The following LPP variants were observed in gnomAD, a reference collection of about 807,000 sequenced individuals.
LPP encodes lipoma-preferred partner.
LPP carries 38 observed loss-of-function variants against 60.4 expected under a neutral mutation model. The observed-to-expected ratio is 0.63, with a 90% CI of 0.49 to 0.83. The LOEUF is 0.83. Ranked by LOEUF, LPP falls within the 40% of genes least tolerant of loss-of-function variation. The probability of loss-of-function intolerance (pLI) is 0.00; values close to 1 mark genes in which losing one functional copy is unlikely to be tolerated. For missense variants in LPP, 902 were observed against 783.6 expected (o/e 1.15, Z -1.80); for synonymous variants, 328 against 290.8 (o/e 1.13, Z -1.30).
intron 5 of LPP, among the ~76,000 whole-genome samples, chr3:188,522,534 C>T (rs182613673): frequency 6.6e-6 from 1 of 151,978 alleles, no homozygotes; most frequent in Non-Finnish European, 1.5e-5. Context: ...TTACTGAACA[C>T]TTATTTGGGC....
At chr3:188,214,832 A>G (rs1207429408) in intron 1 of LPP, among the ~76,000 whole-genome samples, 1 of 152,088 alleles carries the variant, frequency 6.6e-6, no homozygotes, top group South Asian at 2.1e-4. Context: ...GAATACTAAT[A>G]CTCTGAATAA....
intron 1 of LPP, among the ~76,000 whole-genome samples, chr3:188,196,627 C>T (rs1054785231): frequency 6.6e-6 from 1 of 152,102 alleles, no homozygotes; most frequent in Admixed American, 6.6e-5. Context: ...AGTGATATTC[C>T]AAAAATGCAA....
At position 188,636,760 on chromosome 3, in the gene LPP, G is replaced by A. The variant is rs186542325; in HGVS notation, c.1113+26916G>A. On this transcript the variant is annotated intron_variant, in intron 7 of 11. Transcript: ENST00000617246. ...AGTGGGTCCCTGACCCCTGACCCCCGAGCAGCCTAACTGGGAGGCACCCCC... is the reference window on the plus strand; with the variant it reads ...AGTGGGTCCCTGACCCCTGACCCCCAAGCAGCCTAACTGGGAGGCACCCCC... 3.4e-4 allele frequency among the ~76,000 whole-genome samples: 52 copies of A among 151,960 alleles called. No individual in the cohort carries two copies. The East Asian group carries it at 8.5e-3, about 25-fold the overall frequency.
intron 6 of LPP, among the ~76,000 whole-genome samples, chr3:188,546,530 A>G (rs919077): frequency 1.3e-5 from 2 of 151,920 alleles, no homozygotes; most frequent in Non-Finnish European, 2.9e-5. Flanking sequence ...CACTAGTTCC[A>G]TACAGAGTTT....
chr3:188,375,926 A>G (rs1393978303), intron 3 of LPP, among the ~76,000 whole-genome samples: 1 of 152,160 alleles, frequency 6.6e-6, no homozygotes, highest in Non-Finnish European at 1.5e-5. Flanking sequence ...GTTGGTTTCA[A>G]AGAACATCTT....
At chr3:188,175,068 T>C (rs553221225) in intron 1 of LPP, among the ~76,000 whole-genome samples, 2 of 152,182 alleles carry the variant, frequency 1.3e-5, no homozygotes, top group Non-Finnish European at 2.9e-5. Context: ...AAATTTAGTT[T>C]CTTTAGAGTA....
chr3:188,644,887 A>G (rs574594984), intron 7 of LPP, among the ~76,000 whole-genome samples: 2 of 152,320 alleles, frequency 1.3e-5, no homozygotes, highest in Admixed American at 1.3e-4. Context: ...GAAGAAAGAG[A>G]TTAGTGTAAA....
chr3:188,374,151 G>A (rs929979625), intron 3 of LPP, among the ~76,000 whole-genome samples: 20 of 152,100 alleles, frequency 1.3e-4, no homozygotes, highest in Admixed American at 6.5e-4. Flanking sequence ...TGATGCCTCT[G>A]GCTTTGTTCT....
At chr3:188,622,360 T>C (rs1304998904) in intron 7 of LPP, among the ~76,000 whole-genome samples, 1 of 152,158 alleles carries the variant, frequency 6.6e-6, no homozygotes, top group Non-Finnish European at 1.5e-5. Flanking sequence ...GAACTAACAT[T>C]GGGGCATTTC....
At chr3:188,852,472 G>T (rs912667302) in intron 9 of LPP, among the ~76,000 whole-genome samples, 3 of 152,220 alleles carry the variant, frequency 2.0e-5, no homozygotes, top group African/African-American at 7.2e-5. Flanking sequence ...GAGAAGTGGG[G>T]TATAATAAGA....
chr3:188,411,259 A>G (rs183403084), intron 4 of LPP, among the ~76,000 whole-genome samples: 72 of 152,312 alleles, frequency 4.7e-4, no homozygotes, highest in African/African-American at 1.7e-3. Flanking sequence ...AATTAAAAAA[A>G]TAATAAATGT....
chr3:188,814,103 CCACACACACATACAGACACA>C (rs1393691477), intron 9 of LPP, among the ~76,000 whole-genome samples: 1 of 151,734 alleles, frequency 6.6e-6, no homozygotes, highest in Non-Finnish European at 1.5e-5. Flanking sequence ...ACATACAGAC[CCACACACACATACAGACACA>C]CACACACACG....
chr3:188,616,347 T>C (rs1265962699), intron 7 of LPP, among the ~76,000 whole-genome samples: 1 of 152,230 alleles, frequency 6.6e-6, no homozygotes, highest in Non-Finnish European at 1.5e-5. Flanking sequence ...TAGGAAATCC[T>C]TTCCCCATTG....
At chr3:188,593,862 T>C (rs1211263283) in intron 6 of LPP, among the ~76,000 whole-genome samples, 1 of 152,232 alleles carries the variant, frequency 6.6e-6, no homozygotes, top group Non-Finnish European at 1.5e-5. Flanking sequence ...GCATTTGGGT[T>C]GGTTCCACGA....
chr3:188,720,607 A>G (rs1305829381), intron 8 of LPP, among the ~76,000 whole-genome samples: 2 of 105,820 alleles, frequency 1.9e-5, no homozygotes, highest in African/African-American at 6.7e-5. Context: ...CGAGGCAATT[A>G]AAAAAAAAAA....
Position 188,878,303 on chromosome 3 carries a change from G to A in LPP, c.*3824G>A, listed in dbSNP as rs1769487172. 1 of 220,036 alleles carries A rather than the reference G, an allele frequency of 4.5e-6. No homozygotes were observed. The highest frequency in any genetic ancestry group is 9.1e-6 in the Non-Finnish European group (1 of 109,604). The allele number at this position is 220,036 out of a possible 1,614,324, so 13.6% of individuals were successfully genotyped here. On this transcript the variant is annotated 3_prime_UTR_variant, in exon 12 of 12. Coordinates refer to ENST00000617246, the MANE Select transcript of LPP (RefSeq NM_001375462.1). ...TTGGGGAAATTATGGCAGCTGCTAGGGAGATCAGGGAAACACTGATGTAAC... is the reference window on the plus strand; with the variant it reads ...TTGGGGAAATTATGGCAGCTGCTAGAGAGATCAGGGAAACACTGATGTAAC...
intron 2 of LPP, among the ~76,000 whole-genome samples, chr3:188,265,384 T>A (rs1454341723): frequency 6.6e-6 from 1 of 152,138 alleles, no homozygotes; most frequent in African/African-American, 2.4e-5. Context: ...AAAGAGCTCA[T>A]GTTTGTGTGT....
chr3:188,849,689 T>C (rs1254507903), intron 9 of LPP, among the ~76,000 whole-genome samples: 1 of 152,214 alleles, frequency 6.6e-6, no homozygotes, highest in Non-Finnish European at 1.5e-5. Flanking sequence ...AAATCTATGC[T>C]TTGATTTTGT....
rs546907459 is a variant in LPP at position 188,676,313 on chromosome 3, G to T, written c.1114-31954G>T. 4.0e-4 allele frequency among the ~76,000 whole-genome samples: 61 copies of T among 152,200 alleles called. No individual in the cohort carries two copies. In the South Asian group the frequency reaches 0.012, roughly 31 times the overall value. ...TAGATGTAAATAAAGGGCAGCCAGC[G>T]GGTACAAGCTGTCAATTAAGTGTTT... On this transcript the variant is annotated intron_variant, in intron 7 of 11. Coordinates refer to ENST00000617246, the MANE Select transcript of LPP (RefSeq NM_001375462.1).
Sources: allele counts gnomAD v4.1 joint callset (sites outside exome capture counted in the v4.1 genomes callset), GRCh38; gene constraint gnomAD v4.1.1; transcripts MANE v1.5; gene names NCBI Gene and HGNC (gene_info 2026-07-23, HGNC 2026-07-21).